Variants in TMEM161B observed in about 807,000 individuals in gnomAD.
TMEM161B encodes transmembrane protein 161B.
In TMEM161B, 34 loss-of-function variants were observed where a neutral mutation model predicts 61.8. The observed-to-expected ratio is 0.55, with a 90% confidence interval of 0.42 to 0.73. The LOEUF (loss-of-function observed/expected upper bound fraction) is 0.73, where lower values mean the gene tolerates loss of function less well. TMEM161B is among the 30% of genes least tolerant of loss of function. The pLI, the probability that TMEM161B is intolerant of heterozygous loss-of-function variation, is 0.00. For missense variants in TMEM161B, 456 were observed against 558.5 expected, an observed-to-expected ratio of 0.82 and a Z score of 1.85; for synonymous variants, 167 against 192.8, an observed-to-expected ratio of 0.87 and a Z score of 1.11.
chr5:88,238,712 T>C (rs1306079638), intron 2 of TMEM161B, among the ~76,000 whole-genome samples: 1 of 151,930 alleles, frequency 6.6e-6, no homozygotes, highest in Non-Finnish European at 1.5e-5. Flanking sequence ...TAATTTTAGG[T>C]TTTTTTCTAT....
At chr5:88,203,584 G>C (rs1160655318) in intron 8 of TMEM161B, among the ~76,000 whole-genome samples, 22 of 151,554 alleles carry the variant, frequency 1.5e-4, no homozygotes, top group Admixed American at 1.4e-3. Context: ...ATTACTAGAA[G>C]GCATATGGCA....
intron 4 of TMEM161B, 147 bp downstream of exon 4, chr5:88,225,622 T>G (rs545892362): frequency 2.1e-6 from 1 of 486,380 alleles, no homozygotes; most frequent in East Asian, 3.6e-5. Context: ...AAAAATAAAT[T>G]TAATTCAAAT....
At position 88,228,052 on chromosome 5, in the gene TMEM161B, A is replaced by C. The variant is rs556451793; in HGVS notation, c.191+393T>G. 5.9e-5 allele frequency among the ~76,000 whole-genome samples: 9 copies of C among 152,276 alleles called. No individual in the cohort carries two copies. In the East Asian group the frequency reaches 1.7e-3, roughly 29 times the overall value. On this transcript the variant is annotated intron_variant, in intron 3 of 11. Coordinates refer to ENST00000296595, the MANE Select transcript of TMEM161B (RefSeq NM_153354.5). ...CCTCCCTTTTAATTATAAAATGAGG[A>C]AACTGAGGCCAAGAGCAGGTTAATT...
intron 1 of TMEM161B, among the ~76,000 whole-genome samples, chr5:88,254,449 A>G (rs554452461): frequency 1.2e-3 from 186 of 152,190 alleles, no homozygotes; most frequent in Non-Finnish European, 2.2e-3. Context: ...AATTTGTGAA[A>G]ATTTTGACAA....
intron 1 of TMEM161B, among the ~76,000 whole-genome samples, chr5:88,245,775 T>C (rs1753522607): frequency 6.6e-6 from 1 of 151,974 alleles, no homozygotes; most frequent in African/African-American, 2.4e-5. Context: ...CATGATGAGA[T>C]ACTGTTGACA....
At chr5:88,259,586 T>C (rs1755435129) in intron 1 of TMEM161B, among the ~76,000 whole-genome samples, 1 of 152,192 alleles carries the variant, frequency 6.6e-6, no homozygotes, top group Non-Finnish European at 1.5e-5. Context: ...TAAGAGAAAC[T>C]AAGGCTTTGG....
At chr5:88,265,338 CAGTGTGGAGGA>C (rs1257525045) in intron 1 of TMEM161B, among the ~76,000 whole-genome samples, 1 of 152,162 alleles carries the variant, frequency 6.6e-6, no homozygotes, top group African/African-American at 2.4e-5. Flanking sequence ...ATTGTGGAGG[CAGTGTGGAGGA>C]AGGATGGTTT....
intron 1 of TMEM161B, among the ~76,000 whole-genome samples, chr5:88,265,936 A>G (rs1756319703): frequency 6.6e-6 from 1 of 152,168 alleles, no homozygotes; most frequent in Non-Finnish European, 1.5e-5. Context: ...ATCTTCCACA[A>G]ATTAGCTTGA....
At chr5:88,256,109 A>G (rs1754951059) in intron 1 of TMEM161B, among the ~76,000 whole-genome samples, 1 of 152,214 alleles carries the variant, frequency 6.6e-6, no homozygotes, top group African/African-American at 2.4e-5. Flanking sequence ...ACAATAGAAA[A>G]CATTCTAATT....
At chr5:88,204,526 G>A (rs1745065841) in intron 8 of TMEM161B, among the ~76,000 whole-genome samples, 1 of 152,136 alleles carries the variant, frequency 6.6e-6, no homozygotes, top group Non-Finnish European at 1.5e-5. Flanking sequence ...TGTTGCTAGG[G>A]AACACTCTAG....
chr5:88,218,455 A>G (rs550805547), intron 5 of TMEM161B, among the ~76,000 whole-genome samples: 6 of 152,300 alleles, frequency 3.9e-5, no homozygotes, highest in Non-Finnish European at 8.8e-5. Context: ...GTAAAAAAAG[A>G]TGGTAACGAT....
intron 9 of TMEM161B, chr5:88,202,138 G>A (rs895562539): frequency 6.6e-6 from 3 of 454,278 alleles, no homozygotes; most frequent in Non-Finnish European, 1.3e-5. Flanking sequence ...TGGGGAAACA[G>A]AGGCTCAGTG....
intron 5 of TMEM161B, among the ~76,000 whole-genome samples, chr5:88,208,104 C>G (rs1052711444): frequency 1.3e-5 from 2 of 152,160 alleles, no homozygotes; most frequent in African/African-American, 4.8e-5. Context: ...AATCCCAGCA[C>G]TTTGGGAGGT....
intron 5 of TMEM161B, among the ~76,000 whole-genome samples, chr5:88,210,169 G>T (rs561305341): frequency 1.3e-5 from 2 of 151,970 alleles, no homozygotes; most frequent in African/African-American, 4.8e-5. Flanking sequence ...GTAAAATGCC[G>T]CCAGTCCACA....
At chr5:88,226,906 G>C (rs1404115019) in intron 3 of TMEM161B, among the ~76,000 whole-genome samples, 1 of 152,234 alleles carries the variant, frequency 6.6e-6, no homozygotes, top group South Asian at 2.1e-4. Context: ...CAGGAGGATT[G>C]CTTAATCTCA....
At chr5:88,267,162 T>C (rs1215041533) in intron 1 of TMEM161B, among the ~76,000 whole-genome samples, 1 of 152,200 alleles carries the variant, frequency 6.6e-6, no homozygotes, top group Non-Finnish European at 1.5e-5. Context: ...GCCAAACTAC[T>C]GTTACTTTAG....
chr5:88,237,546 G>A (rs1440730461), intron 2 of TMEM161B, among the ~76,000 whole-genome samples: 1 of 151,988 alleles, frequency 6.6e-6, no homozygotes, highest in African/African-American at 2.4e-5. Context: ...AAGAAACTGA[G>A]AAACTTCCAT....
chr5:88,208,195 C>G (rs1745915937), intron 5 of TMEM161B, among the ~76,000 whole-genome samples: 1 of 151,990 alleles, frequency 6.6e-6, no homozygotes, highest in South Asian at 2.1e-4. Flanking sequence ...ACTTAAAATA[C>G]AAAAATTGCC....
At chr5:88,201,092 T>C (rs1744321489) in intron 9 of TMEM161B, 1 of 151,894 alleles carries the variant, frequency 6.6e-6, no homozygotes, top group Non-Finnish European at 1.5e-5. Flanking sequence ...TAACCACGAA[T>C]TCAAATTAAA....
Sources: gnomAD v4.1 joint callset for allele counts (sites outside exome capture counted in the v4.1 genomes callset) on GRCh38, gnomAD v4.1.1 for gene constraint, MANE v1.5 for transcripts, NCBI Gene and HGNC (gene_info 2026-07-23, HGNC 2026-07-21) for gene names.